Variants in DLGAP1 observed in about 807,000 individuals in gnomAD.
The protein encoded by DLGAP1 is disks large-associated protein 1.
In DLGAP1, 11 loss-of-function variants were observed where a neutral mutation model predicts 90.8. The observed-to-expected ratio is 0.12, with a 90% CI of 0.08 to 0.20. The LOEUF is 0.20. Ranked by LOEUF, DLGAP1 falls within the 10% of genes least tolerant of loss-of-function variation. DLGAP1 has a pLI of 1.00. For synonymous variants in DLGAP1, 558 were observed against 540.7 expected (o/e 1.03, Z -0.44); for missense variants, 1,050 against 1,333.8 (o/e 0.79, Z 3.31).
intron 1 of DLGAP1, among the ~76,000 whole-genome samples, chr18:4,287,300 T>C (rs990992805): frequency 6.6e-6 from 1 of 152,166 alleles, no homozygotes; most frequent in Admixed American, 6.5e-5. Flanking sequence ...TGTGTGGTGA[T>C]TCCTCAAGGA....
chr18:3,707,470 C>T (rs575654271), intron 7 of DLGAP1, among the ~76,000 whole-genome samples: 6 of 152,038 alleles, frequency 3.9e-5, no homozygotes, highest in East Asian at 1.9e-4. Flanking sequence ...TGTGGTGGTG[C>T]GTGCCTGTAA....
chr18:3,883,627 C>T (rs893884740), intron 3 of DLGAP1, among the ~76,000 whole-genome samples: 1 of 152,228 alleles, frequency 6.6e-6, no homozygotes, highest in Non-Finnish European at 1.5e-5. Flanking sequence ...TTACTTAATG[C>T]ATTAATGCAA....
chr18:3,994,946 A>T (rs911749919), intron 3 of DLGAP1, among the ~76,000 whole-genome samples: 1 of 152,214 alleles, frequency 6.6e-6, no homozygotes, highest in South Asian at 2.1e-4. Flanking sequence ...AAGCGAGAGA[A>T]CTTAGCTGTC....
rs1022402316 is a variant in DLGAP1 at position 4,218,515 on chromosome 18, A to G, written c.-266-67228T>C. 2.0e-5 allele frequency among the ~76,000 whole-genome samples: 3 copies of G among 151,996 alleles called. No individual in the cohort carries two copies. The East Asian group carries it at 5.8e-4, about 29-fold the overall frequency. On this transcript the variant is annotated intron_variant, in intron 1 of 12. Coordinates refer to ENST00000315677, the MANE Select transcript of DLGAP1 (RefSeq NM_004746.4). ...TTAGCAATTTTGCAATATATAATAC[A>G]TTATTATTGATTATGGTCACTATTC... is the stretch of plus-strand genomic sequence containing the variant.
At chr18:3,886,098 G>T (rs914407184) in intron 3 of DLGAP1, among the ~76,000 whole-genome samples, 2 of 152,114 alleles carry the variant, frequency 1.3e-5, no homozygotes, top group South Asian at 2.1e-4. Context: ...AGAGCATACT[G>T]AAGGCCCTCC....
At chr18:4,142,934 T>C (rs2076519420) in intron 2 of DLGAP1, among the ~76,000 whole-genome samples, 1 of 152,072 alleles carries the variant, frequency 6.6e-6, no homozygotes, top group Non-Finnish European at 1.5e-5. Context: ...AGGCAAAGAC[T>C]CTTGTTCTCC....
chr18:3,538,384 A>C (rs1163577239), intron 9 of DLGAP1, among the ~76,000 whole-genome samples: 1 of 151,810 alleles, frequency 6.6e-6, no homozygotes, highest in South Asian at 2.1e-4. Context: ...CCAAAAAAAA[A>C]AAAGAAAGAA....
At chr18:4,211,543 C>CCT (rs979095317) in intron 1 of DLGAP1, among the ~76,000 whole-genome samples, 1 of 152,080 alleles carries the variant, frequency 6.6e-6, no homozygotes, top group African/African-American at 2.4e-5. Context: ...CCCAGTGAGA[C>CCT]CTCTGCCTTT....
At chr18:3,523,637 G>A (rs959421250) in intron 10 of DLGAP1, among the ~76,000 whole-genome samples, 1 of 151,852 alleles carries the variant, frequency 6.6e-6, no homozygotes, top group Non-Finnish European at 1.5e-5. Context: ...CACGAGGTCA[G>A]GAGATCGAGA....
intron 10 of DLGAP1, among the ~76,000 whole-genome samples, chr18:3,530,450 GAA>G (rs749621435): frequency 1.3e-5 from 2 of 151,972 alleles, no homozygotes; most frequent in Non-Finnish European, 2.9e-5. Context: ...GAAAAAGAAA[GAA>G]AGAGAGAGAG....
At chr18:4,006,847 T>A (rs899623393) in intron 2 of DLGAP1, among the ~76,000 whole-genome samples, 3 of 152,096 alleles carry the variant, frequency 2.0e-5, no homozygotes, top group Admixed American at 2.0e-4. Context: ...AAGTTCTCAC[T>A]CTGTTCCCCA....
At chr18:3,741,159 C>CCACCA (rs2062970427) in intron 6 of DLGAP1, among the ~76,000 whole-genome samples, 1 of 111,322 alleles carries the variant, frequency 9.0e-6, no homozygotes, top group Non-Finnish European at 1.9e-5. Context: ...ATCACCACCA[C>CCACCA]CATCACCACC....
intron 5 of DLGAP1, among the ~76,000 whole-genome samples, chr18:3,802,866 C>T (rs951402974): frequency 2.6e-5 from 4 of 152,092 alleles, no homozygotes; most frequent in African/African-American, 4.8e-5. Context: ...AGAGCTTAAG[C>T]GAGGCACCTC....
intron 7 of DLGAP1, chr18:3,596,974 T>C (rs746660920): frequency 2.3e-5 from 12 of 519,856 alleles, no homozygotes; most frequent in Admixed American, 1.7e-4. Flanking sequence ...TGTCCCCCAT[T>C]CTCCCCACTT....
chr18:3,548,271 T>C (rs2053175295), intron 9 of DLGAP1, among the ~76,000 whole-genome samples: 2 of 118,134 alleles, frequency 1.7e-5, no homozygotes. Context: ...CTTAGTATAA[T>C]TTTTCTAAAA....
At chr18:3,544,616 C>T (rs1202061319) in intron 9 of DLGAP1, among the ~76,000 whole-genome samples, 1 of 151,812 alleles carries the variant, frequency 6.6e-6, no homozygotes, top group Non-Finnish European at 1.5e-5. Flanking sequence ...CGTACTTTTT[C>T]CTGAACCCTT....
intron 7 of DLGAP1, among the ~76,000 whole-genome samples, chr18:3,684,848 G>A (rs965361433): frequency 1.3e-5 from 2 of 152,142 alleles, no homozygotes; most frequent in South Asian, 2.1e-4. Context: ...AACCAAAATC[G>A]TGTAAGGAGG....
At chr18:3,636,282 T>C (rs1250969801) in intron 7 of DLGAP1, among the ~76,000 whole-genome samples, 2 of 151,552 alleles carry the variant, frequency 1.3e-5, no homozygotes, top group African/African-American at 4.9e-5. Context: ...CTTTTACACC[T>C]TTCATTAACT....
chr18:3,661,303 A>G (rs1462273250), intron 7 of DLGAP1, among the ~76,000 whole-genome samples: 1 of 152,222 alleles, frequency 6.6e-6, no homozygotes, highest in Non-Finnish European at 1.5e-5. Context: ...TCCCACAGAC[A>G]GGTGGAGGCT....
Sources: allele counts gnomAD v4.1 joint callset (sites outside exome capture counted in the v4.1 genomes callset), GRCh38; gene constraint gnomAD v4.1.1; transcripts MANE v1.5; gene names NCBI Gene and HGNC (gene_info 2026-07-23, HGNC 2026-07-21).